Variants in TBCA observed in about 807,000 individuals in gnomAD.
TBCA encodes tubulin-specific chaperone A.
TBCA carries 6 observed loss-of-function variants against 15.8 expected under a neutral mutation model. The observed-to-expected ratio is 0.38, with a 90% confidence interval of 0.21 to 0.75. TBCA has a LOEUF of 0.75. TBCA is among the 30% of genes least tolerant of loss of function. The probability of loss-of-function intolerance (pLI) is 0.46; values close to 1 mark genes in which losing one functional copy is unlikely to be tolerated. For missense variants in TBCA, 90 were observed against 131.2 expected, an observed-to-expected ratio of 0.69 and a Z score of 1.53; for synonymous variants, 32 against 42.3, an observed-to-expected ratio of 0.76 and a Z score of 0.94.
intron 1 of TBCA, among the ~76,000 whole-genome samples, chr5:77,734,614 A>C (rs1013453977): frequency 6.6e-6 from 1 of 152,240 alleles, no homozygotes; most frequent in African/African-American, 2.4e-5. Context: ...ATAAGCAAAG[A>C]AAATGGTTTC....
At position 77,752,317 on chromosome 5, in the gene TBCA, T is replaced by C. The variant is rs147390440; in HGVS notation, c.53+23888A>G. ...CACAGGTCTCAGAGGTAACTTTTGTTTAGTTTTTTCTTTTTATCCATTTAG... is the reference window on the plus strand; with the variant it reads ...CACAGGTCTCAGAGGTAACTTTTGTCTAGTTTTTTCTTTTTATCCATTTAG... On this transcript the variant is annotated intron_variant, in intron 1 of 3. Transcript: ENST00000380377. 5.4e-3 allele frequency among the ~76,000 whole-genome samples: 824 copies of C among 152,264 alleles called. 1 individual carries two copies. The highest frequency in any genetic ancestry group is 0.019 in the African/African-American group (771 of 41,550).
intron 1 of TBCA, among the ~76,000 whole-genome samples, chr5:77,769,976 A>G (rs1203764041): frequency 2.0e-5 from 3 of 152,236 alleles, no homozygotes; most frequent in African/African-American, 7.2e-5. Context: ...AAAAAGATAT[A>G]TTTAAGAAAG....
intron 2 of TBCA, among the ~76,000 whole-genome samples, chr5:77,700,237 CCT>C (rs1260038788): frequency 6.6e-6 from 1 of 151,792 alleles, no homozygotes; most frequent in Non-Finnish European, 1.5e-5. Flanking sequence ...TCCCTGTTTC[CCT>C]GTCAAAGACA....
intron 1 of TBCA, among the ~76,000 whole-genome samples, chr5:77,708,999 T>TA (rs201697246): frequency 2.7e-5 from 4 of 146,320 alleles, no homozygotes; most frequent in African/African-American, 7.4e-5. Context: ...TTTTTTTTTT[T>TA]AAATATGTCT....
intron 1 of TBCA, among the ~76,000 whole-genome samples, chr5:77,736,830 A>G (rs957653191): frequency 1.4e-4 from 21 of 152,360 alleles, no homozygotes; most frequent in African/African-American, 5.0e-4. Flanking sequence ...ACACAGAGCT[A>G]TATAATGCTT....
intron 1 of TBCA, among the ~76,000 whole-genome samples, chr5:77,771,524 C>T (rs1004148259): frequency 2.6e-5 from 4 of 152,158 alleles, no homozygotes; most frequent in African/African-American, 7.2e-5. Context: ...ACAAGACACT[C>T]ACCGTAAACC....
At chr5:77,692,855 G>T in intron 3 of TBCA, 1 of 1,115,578 alleles carries the variant, frequency 9.0e-7, no homozygotes, top group Non-Finnish European at 1.1e-6. Flanking sequence ...AGGTTTGAAT[G>T]TGAAAGAATT....
At chr5:77,728,598 T>C (rs1484947632) in intron 1 of TBCA, among the ~76,000 whole-genome samples, 1 of 152,120 alleles carries the variant, frequency 6.6e-6, no homozygotes, top group Non-Finnish European at 1.5e-5. Context: ...AGGGTTAATA[T>C]AGGACAGCAA....
chr5:77,767,252 C>G (rs1747799131), intron 1 of TBCA, among the ~76,000 whole-genome samples: 1 of 152,040 alleles, frequency 6.6e-6, no homozygotes, highest in Non-Finnish European at 1.5e-5. Context: ...CCTACTTGCT[C>G]CAACATACTA....
chr5:77,771,604 C>T (rs1214012588), intron 1 of TBCA, among the ~76,000 whole-genome samples: 2 of 152,222 alleles, frequency 1.3e-5, no homozygotes, highest in Non-Finnish European at 1.5e-5. Context: ...ATGTGGGCTG[C>T]TATCCATTAG....
At chr5:77,746,912 C>G (rs1422092147) in intron 1 of TBCA, among the ~76,000 whole-genome samples, 2 of 151,958 alleles carry the variant, frequency 1.3e-5, no homozygotes, top group African/African-American at 2.4e-5. Context: ...AAAAATCAAG[C>G]CAAATTTCTA....
rs914845536 is a variant in TBCA at position 77,717,837 on chromosome 5, G to GA, written c.54-9491dup. On this transcript the variant is annotated intron_variant, in intron 1 of 3. Transcript: ENST00000380377. ...ACAACAGCGAAACTCTGTCTCAAAAGAAAAAAAAAAGGCCGGGGGCAGTGG... is the reference window on the plus strand; with the variant it reads ...ACAACAGCGAAACTCTGTCTCAAAAGAAAAAAAAAAAGGCCGGGGGCAGTGG... 8.8e-4 allele frequency among the ~76,000 whole-genome samples: 99 copies of GA among 113,120 alleles called. 1 individual carries two copies. In the East Asian group the frequency reaches 0.015, roughly 17 times the overall value. 74.2% of individuals were successfully genotyped at this position (113,120 alleles called of 152,430 possible). A position where few individuals can be genotyped will look rare whatever the true frequency, so the allele number is the denominator to read the frequency against.
At chr5:77,751,159 CTTTTTTTTTTTTTT>C (rs10573352) in intron 1 of TBCA, among the ~76,000 whole-genome samples, 1 of 81,936 alleles carries the variant, frequency 1.2e-5, no homozygotes, top group East Asian at 3.7e-4. Flanking sequence ...TTCTTTCTTT[CTTTTTTTTTTTTTT>C]TTTTTTTTTG....
intron 1 of TBCA, among the ~76,000 whole-genome samples, chr5:77,751,140 G>A (rs957070265): frequency 1.3e-5 from 2 of 148,496 alleles, no homozygotes; most frequent in African/African-American, 5.0e-5. Context: ...ATTACGGCCT[G>A]ACCAGTCTTT....
chr5:77,723,144 GT>G (rs528275837), intron 1 of TBCA, among the ~76,000 whole-genome samples: 48 of 151,480 alleles, frequency 3.2e-4, no homozygotes, highest in Admixed American at 6.6e-4. Flanking sequence ...GATGAAATGG[GT>G]TTTTTTAAAA....
chr5:77,756,296 T>C (rs1442099850), intron 1 of TBCA, among the ~76,000 whole-genome samples: 3 of 151,992 alleles, frequency 2.0e-5, no homozygotes, highest in Middle Eastern at 3.4e-3. Flanking sequence ...CTATATGCAT[T>C]TCCTAGACAA....
intron 1 of TBCA, among the ~76,000 whole-genome samples, chr5:77,730,561 A>T (rs572057856): frequency 8.4e-4 from 65 of 77,000 alleles, no homozygotes; most frequent in South Asian, 7.1e-3. Context: ...GCAAGCTCAA[A>T]TTTTTTTTTT....
At chr5:77,692,084 G>A in intron 3 of TBCA, 1 of 983,638 alleles carries the variant, frequency 1.0e-6, no homozygotes, top group Non-Finnish European at 1.2e-6. Flanking sequence ...TGATATACAG[G>A]CAACTTTTAC....
At chr5:77,761,794 T>G (rs1314081460) in intron 1 of TBCA, among the ~76,000 whole-genome samples, 1 of 152,164 alleles carries the variant, frequency 6.6e-6, no homozygotes, top group Non-Finnish European at 1.5e-5. Flanking sequence ...ATCAAGGACT[T>G]TGTTTTTGTC....
Sources: allele counts gnomAD v4.1 joint callset (sites outside exome capture counted in the v4.1 genomes callset), GRCh38; gene constraint gnomAD v4.1.1; transcripts MANE v1.5; gene names NCBI Gene and HGNC (gene_info 2026-07-23, HGNC 2026-07-21).